Variants in GPR158 observed in about 807,000 individuals in gnomAD.
GPR158 encodes the protein G protein-coupled receptor 158.
A neutral mutation model predicts 78.2 loss-of-function variants in GPR158; 30 were observed. That is an observed-to-expected ratio of 0.38 (90% CI 0.29 to 0.52). The LOEUF (loss-of-function observed/expected upper bound fraction) is 0.52, where lower values mean the gene tolerates loss of function less well. GPR158 is among the 20% of genes least tolerant of loss of function. GPR158 has a pLI of 0.83. For synonymous variants in GPR158, 581 were observed against 591.1 expected (o/e 0.98, Z 0.25); for missense variants, 1,463 against 1,523.5 (o/e 0.96, Z 0.66).
At chr10:25,215,042 T>C (rs1327665959) in intron 1 of GPR158, among the ~76,000 whole-genome samples, 1 of 152,228 alleles carries the variant, frequency 6.6e-6, no homozygotes, top group South Asian at 2.1e-4. Context: ...ATATTTCTTC[T>C]AAATTTTGTT....
intron 2 of GPR158, among the ~76,000 whole-genome samples, chr10:25,221,955 T>C (rs1853304598): frequency 1.3e-5 from 2 of 152,206 alleles, no homozygotes; most frequent in Non-Finnish European, 2.9e-5. Context: ...TTTCCACAAA[T>C]GTAGTAATCT....
intron 2 of GPR158, among the ~76,000 whole-genome samples, chr10:25,316,306 A>G (rs949594051): frequency 1.3e-5 from 2 of 152,226 alleles, no homozygotes; most frequent in African/African-American, 4.8e-5. Context: ...CATAGTGCCT[A>G]TAAAATCTCA....
chr10:25,442,598 C>A (rs12768998), intron 4 of GPR158, among the ~76,000 whole-genome samples: 10,496 of 151,894 alleles, frequency 0.069, 874 homozygotes, highest in African/African-American at 0.2. Flanking sequence ...TTAAAACTTC[C>A]GGATCTTTCC....
intron 2 of GPR158, among the ~76,000 whole-genome samples, chr10:25,297,825 G>C (rs1202785470): frequency 6.6e-6 from 1 of 152,150 alleles, no homozygotes; most frequent in African/African-American, 2.4e-5. Flanking sequence ...AGATGAGCAA[G>C]GACACCCCCT....
At chr10:25,295,191 T>C (rs1428174492) in intron 2 of GPR158, among the ~76,000 whole-genome samples, 9 of 152,218 alleles carry the variant, frequency 5.9e-5, no homozygotes, top group Non-Finnish European at 1.2e-4. Context: ...TTATTGAGTC[T>C]ATCTCTTTCT....
At chr10:25,530,828 G>A (rs916871815) in intron 5 of GPR158, among the ~76,000 whole-genome samples, 1 of 152,174 alleles carries the variant, frequency 6.6e-6, no homozygotes, top group African/African-American at 2.4e-5. Flanking sequence ...TCAGTACTAA[G>A]CCCTTTTCCA....
At chr10:25,282,768 T>C (rs139767322) in intron 2 of GPR158, among the ~76,000 whole-genome samples, 24 of 152,294 alleles carry the variant, frequency 1.6e-4, no homozygotes, top group African/African-American at 4.6e-4. Flanking sequence ...ATACATCTTA[T>C]TGGTGAAGTT....
chr10:25,449,388 CTTGGGTG>C (rs1259664595), intron 4 of GPR158, among the ~76,000 whole-genome samples: 1 of 152,176 alleles, frequency 6.6e-6, no homozygotes, highest in Admixed American at 6.5e-5. Flanking sequence ...CTAAGTAAGA[CTTGGGTG>C]TTTGTTTATG....
intron 2 of GPR158, among the ~76,000 whole-genome samples, chr10:25,365,524 G>T (rs906028542): frequency 2.0e-5 from 3 of 151,624 alleles, no homozygotes; most frequent in Non-Finnish European, 4.4e-5. Flanking sequence ...AACACATTCT[G>T]AGTTTTGCAT....
chr10:25,548,432 T>C (rs955292785), intron 5 of GPR158, among the ~76,000 whole-genome samples: 10 of 152,166 alleles, frequency 6.6e-5, no homozygotes, highest in Non-Finnish European at 1.2e-4. Flanking sequence ...AAATCAACTC[T>C]CCTAATAATA....
chr10:25,347,101 T>C (rs996246021), intron 2 of GPR158, among the ~76,000 whole-genome samples: 2 of 152,002 alleles, frequency 1.3e-5, no homozygotes, highest in African/African-American at 4.8e-5. Context: ...TATGATGTTA[T>C]GGTTCTGTAG....
In GPR158 at chr10:25,551,069, ACT is replaced by A; in HGVS notation, c.1502_1503del (p.Leu501GlnfsTer75). On this transcript the variant is annotated frameshift_variant, in exon 6 of 11. Transcript: ENST00000376351. LOFTEE classifies it high-confidence loss of function. Reference sequence around the variant, plus strand: ...TTTTGCTACTGTTTACGGAACTGTCACTCTCAAACTTCACAGGTATATACATT... The same window carrying A: ...TTTTGCTACTGTTTACGGAACTGTCACTCAAACTTCACAGGTATATACATT... ...LGFATVYGTV[T>X]LKLHRVLKVF... 1 of 1,565,844 alleles carries A rather than the reference ACT, an allele frequency of 6.4e-7. No homozygotes were observed. The highest frequency in any genetic ancestry group is 8.8e-7 in the Non-Finnish European group (1 of 1,136,142).
intron 4 of GPR158, among the ~76,000 whole-genome samples, chr10:25,451,013 A>G (rs1835209176): frequency 6.6e-6 from 1 of 152,162 alleles, no homozygotes; most frequent in African/African-American, 2.4e-5. Flanking sequence ...TAAATATCAC[A>G]TCATATGGAT....
chr10:25,521,819 GA>G (rs913040538), intron 5 of GPR158, among the ~76,000 whole-genome samples: 3 of 152,174 alleles, frequency 2.0e-5, no homozygotes, highest in African/African-American at 7.2e-5. Flanking sequence ...AGCAATGGCA[GA>G]AAAAAATCCT....
chr10:25,351,650 T>TC (rs879450580), intron 2 of GPR158, among the ~76,000 whole-genome samples: 3 of 151,546 alleles, frequency 2.0e-5, no homozygotes, highest in African/African-American at 7.3e-5. Context: ...GTTACCTGCT[T>TC]TTAAGGGTGA....
intron 2 of GPR158, among the ~76,000 whole-genome samples, chr10:25,357,696 G>A (rs1205245645): frequency 6.6e-6 from 1 of 152,112 alleles, no homozygotes; most frequent in African/African-American, 2.4e-5. Context: ...GAAATGCCTG[G>A]ATGTCCAGGC....
intron 5 of GPR158, among the ~76,000 whole-genome samples, chr10:25,537,791 G>A (rs879053997): frequency 6.6e-6 from 1 of 152,034 alleles, no homozygotes; most frequent in African/African-American, 2.4e-5. Context: ...ATAAGATCAG[G>A]TTGTTTAAAA....
At chr10:25,446,576 T>C (rs1480685738) in intron 4 of GPR158, among the ~76,000 whole-genome samples, 1 of 152,228 alleles carries the variant, frequency 6.6e-6, no homozygotes, top group African/African-American at 2.4e-5. Context: ...CAGAACTTCT[T>C]GTATTTTATC....
At chr10:25,291,626 C>T (rs1854436945) in intron 2 of GPR158, among the ~76,000 whole-genome samples, 1 of 151,926 alleles carries the variant, frequency 6.6e-6, no homozygotes, top group Admixed American at 6.6e-5. Flanking sequence ...GATTATATTT[C>T]AATATACAAC....
Sources: allele counts gnomAD v4.1 joint callset (sites outside exome capture counted in the v4.1 genomes callset), GRCh38; gene constraint gnomAD v4.1.1; transcripts MANE v1.5; gene names NCBI Gene and HGNC (gene_info 2026-07-23, HGNC 2026-07-21).